LITAF: variants seen among roughly 807,000 people sequenced by gnomAD.
LITAF encodes lipopolysaccharide induced TNF factor, also known as lipopolysaccharide-induced tumor necrosis factor-alpha factor.
A neutral mutation model predicts 14.5 loss-of-function variants in LITAF; 9 were observed. That is an observed-to-expected ratio of 0.62 (90% CI 0.37 to 1.08). The LOEUF is 1.08. LITAF is among the 50% of genes least tolerant of loss of function. LITAF has a pLI of 0.01. For missense variants in LITAF, 206 were observed against 213.4 expected, an observed-to-expected ratio of 0.97 and a Z score of 0.22; for synonymous variants, 98 against 88.2, an observed-to-expected ratio of 1.11 and a Z score of -0.62.
intron 3 of LITAF, among the ~76,000 whole-genome samples, chr16:11,630,859 A>G (rs1293937652): frequency 1.3e-5 from 2 of 152,050 alleles, no homozygotes; most frequent in Non-Finnish European, 2.9e-5. Flanking sequence ...AGCCTCCCAA[A>G]GTGCTAAGAT....
chr16:11,595,817 G>T (rs943718513), intron 1 of LITAF, among the ~76,000 whole-genome samples: 1 of 152,220 alleles, frequency 6.6e-6, no homozygotes, highest in African/African-American at 2.4e-5. Flanking sequence ...GCAAATGCCT[G>T]TTGGTCATTT....
chr16:11,553,722 C>A lies in LITAF; in HGVS notation c.221-33G>T. The A allele has an allele frequency of 6.2e-7, 1 of 1,613,456 alleles. No homozygotes were observed. Among genetic ancestry groups the A allele is most frequent in the Non-Finnish European group, 8.5e-7 (1 of 1,179,644 alleles). On this transcript the variant is annotated intron_variant, in intron 2 of 3. Transcript: ENST00000622633. This position sits in a 1 kb window ranked among gnomAD's most constrained non-coding sequence, Gnocchi z 7.7. The stretch of plus-strand genomic sequence containing the variant: ...AAGGGAGAGGGACAAACACAGGTTG[C>A]TCAGGAAACAAGGCCAATAGCATTC...
intron 3 of LITAF, among the ~76,000 whole-genome samples, chr16:11,631,583 T>A (rs185128540): frequency 4.6e-4 from 70 of 152,282 alleles, no homozygotes; most frequent in Non-Finnish European, 9.0e-4. Flanking sequence ...AGAGACAGGG[T>A]TTCACTACGT....
intron 1 of LITAF, among the ~76,000 whole-genome samples, chr16:11,597,679 C>T (rs1001988215): frequency 5.3e-5 from 8 of 152,132 alleles, no homozygotes; most frequent in Non-Finnish European, 1.0e-4. Context: ...AACCTAAGAA[C>T]CTTCCCTTCC....
At chr16:11,592,063 C>G (rs958991148), upstream of LITAF, among the ~76,000 whole-genome samples, 2 of 152,150 alleles carry the variant, frequency 1.3e-5, no homozygotes, top group Admixed American at 1.3e-4. Context: ...AATATGAAAA[C>G]AAATGCACAA....
In LITAF at chr16:11,610,466, G is replaced by A. The variant is rs182047321; in HGVS notation, c.85+23067C>T. Among the ~76,000 whole-genome samples, 16 of 152,268 alleles carry A rather than the reference G, an allele frequency of 1.1e-4. No homozygotes were observed. The East Asian group carries it at 3.1e-3, about 29-fold the overall frequency. On this transcript the variant is annotated intron_variant, in intron 3 of 3. Transcript: ENST00000574848. ...AGCCTGCACGCTGGGCAGTGGGAAG[G>A]GAGTGGAGAGTCCCTCCAGCAGATA...
At position 11,554,787 on chromosome 16, in the gene LITAF, CAAAAAAAAAAAA is replaced by C. The variant is rs56346206; in HGVS notation, c.221-1110_221-1099del. Among the ~76,000 whole-genome samples the C allele has an allele frequency of 1.1e-4, 7 of 64,490 alleles. No homozygotes were observed. In the Admixed American group the frequency reaches 1.3e-3, roughly 12 times the overall value. The allele number at this position is 64,490 out of a possible 152,430, so 42.3% of individuals were successfully genotyped here. A position where few individuals can be genotyped will look rare whatever the true frequency, so the allele number is the denominator to read the frequency against. ...TGGGCAACAGAACAAGACTCTACCTCAAAAAAAAAAAAAAAAAAAAAAAGAGAGAACCCAGGG... is the reference window on the plus strand; with the variant it reads ...TGGGCAACAGAACAAGACTCTACCTCAAAAAAAAAAAGAGAGAACCCAGGG... On this transcript the variant is annotated intron_variant, in intron 2 of 3. Coordinates refer to ENST00000622633, the MANE Select transcript of LITAF (RefSeq NM_001136472.2).
intron 3 of LITAF, among the ~76,000 whole-genome samples, chr16:11,613,719 G>A (rs866747975): frequency 1.3e-5 from 2 of 152,204 alleles, no homozygotes; most frequent in South Asian, 4.1e-4. Flanking sequence ...CCGGACGGAG[G>A]GTGTGGCGTG....
chr16:11,594,180 T>G (rs1026252394), intron 1 of LITAF, among the ~76,000 whole-genome samples: 1 of 128,786 alleles, frequency 7.8e-6, no homozygotes, highest in African/African-American at 3.4e-5. Flanking sequence ...AGTGAGACCC[T>G]GTCTCGAAAA....
At position 11,549,493 on chromosome 16, in the gene LITAF, C is replaced by T. The variant is rs768169728; in HGVS notation, c.*144G>A. ...GTTTGGAGATTTGTTAGTTTTGCGA[C>T]GTATTCCCCCCAAAAGAAGACATGA... On this transcript the variant is annotated 3_prime_UTR_variant, in exon 4 of 4. Transcript: ENST00000622633. This position sits in a 1 kb window ranked among gnomAD's most constrained non-coding sequence, Gnocchi z 4.6. 13 of 702,864 alleles carry T rather than the reference C, an allele frequency of 1.8e-5. No individual in the cohort carries two copies. The highest frequency in any genetic ancestry group is 2.6e-5 in the Non-Finnish European group (10 of 387,064). 43.5% of individuals were successfully genotyped at this position (702,864 alleles called of 1,614,324 possible). A position where few individuals can be genotyped will look rare whatever the true frequency, so the allele number is the denominator to read the frequency against.
chr16:11,583,317 G>A (rs147730087), intron 1 of LITAF, among the ~76,000 whole-genome samples: 304 of 152,320 alleles, frequency 2.0e-3, no homozygotes, highest in African/African-American at 6.7e-3. Flanking sequence ...AATGGAAAAT[G>A]CTTCCATCGG....
intron 3 of LITAF, among the ~76,000 whole-genome samples, chr16:11,631,300 C>T (rs548327336): frequency 6.6e-6 from 1 of 152,194 alleles, no homozygotes; most frequent in African/African-American, 2.4e-5. Flanking sequence ...GGACCACCTC[C>T]CCCTGGAGGA....
chr16:11,581,486 C>CA (rs2064733758), intron 1 of LITAF, among the ~76,000 whole-genome samples: 1 of 152,004 alleles, frequency 6.6e-6, no homozygotes, highest in East Asian at 1.9e-4. Context: ...GTCTCTACAA[C>CA]AAAAAACCAC....
At position 11,548,128 on chromosome 16, in the gene LITAF, T is replaced by A. The variant is rs1224692995; in HGVS notation, c.*1509A>T. The A allele has an allele frequency of 2.2e-6, 1 of 454,024 alleles. No individual in the cohort carries two copies. Among genetic ancestry groups the A allele is most frequent in the Non-Finnish European group, 4.4e-6 (1 of 226,800 alleles). 28.1% of individuals were successfully genotyped at this position (454,024 alleles called of 1,614,324 possible). On this transcript the variant is annotated 3_prime_UTR_variant, in exon 4 of 4. Coordinates refer to ENST00000622633, the MANE Select transcript of LITAF (RefSeq NM_001136472.2). ...CATCAAATGAAGGGGGATCAATGGTTACCACTATCGTTTTCAACCAATATA... is the reference window on the plus strand; with the variant it reads ...CATCAAATGAAGGGGGATCAATGGTAACCACTATCGTTTTCAACCAATATA...
chr16:11,627,210 A>G (rs543963621), intron 3 of LITAF, among the ~76,000 whole-genome samples: 2 of 152,336 alleles, frequency 1.3e-5, no homozygotes, highest in South Asian at 2.1e-4. Flanking sequence ...AGCCAAGCCA[A>G]TGACAATCAA....
upstream of LITAF, among the ~76,000 whole-genome samples, chr16:11,600,519 T>A (rs1011097751): frequency 6.6e-6 from 1 of 152,230 alleles, no homozygotes; most frequent in African/African-American, 2.4e-5. This position sits in a 1 kb window ranked among gnomAD's most constrained non-coding sequence, Gnocchi z 4.1. Context: ...AGCTAGAAGT[T>A]AAATTCTCGG....
upstream of LITAF, among the ~76,000 whole-genome samples, chr16:11,637,489 G>A (rs896122000): frequency 7.9e-5 from 12 of 152,192 alleles, no homozygotes; most frequent in Non-Finnish European, 1.3e-4. Flanking sequence ...TGGGGACCTG[G>A]GCTCACCTAT....
At chr16:11,620,167 C>CAAAAAA (rs533195309) in intron 3 of LITAF, among the ~76,000 whole-genome samples, 2 of 67,320 alleles carry the variant, frequency 3.0e-5, no homozygotes, top group African/African-American at 5.1e-5. Flanking sequence ...GAGTCCGTCT[C>CAAAAAA]AAAAAAAAAA....
intron 3 of LITAF, among the ~76,000 whole-genome samples, chr16:11,604,365 A>C (rs1207227309): frequency 6.6e-6 from 1 of 152,184 alleles, no homozygotes; most frequent in Non-Finnish European, 1.5e-5. Flanking sequence ...TAGTTCATTT[A>C]ATCCTCATTA....
Sources: allele counts gnomAD v4.1 joint callset (sites outside exome capture counted in the v4.1 genomes callset), GRCh38; gene constraint gnomAD v4.1.1; non-coding constraint Gnocchi (gnomAD v3.1); transcripts MANE v1.5; gene names NCBI Gene and HGNC (gene_info 2026-07-23, HGNC 2026-07-21).